MAP3K8: variants seen among roughly 807,000 people sequenced by gnomAD.
The protein encoded by MAP3K8 is mitogen-activated protein kinase kinase kinase 8, also known as Ewing sarcoma transformant.
MAP3K8 carries 22 observed loss-of-function variants against 45.8 expected under a neutral mutation model. That is an observed-to-expected ratio of 0.48 (90% CI 0.34 to 0.69). The LOEUF is 0.69. Ranked by LOEUF, MAP3K8 falls within the 30% of genes least tolerant of loss-of-function variation. The probability of loss-of-function intolerance (pLI) is 0.01; values close to 1 mark genes in which losing one functional copy is unlikely to be tolerated. For missense variants in MAP3K8, 419 were observed against 585.0 expected (o/e 0.72, Z 2.93); for synonymous variants, 223 against 214.3 (o/e 1.04, Z -0.36).
intron 4 of MAP3K8, 111 bp from the exon 5 acceptor site, chr10:30,450,147 G>A: frequency 1.0e-6 from 1 of 978,284 alleles, no homozygotes; most frequent in Non-Finnish European, 1.5e-6. Flanking sequence ...ACAGGGCAGA[G>A]TATTCTTGAG....
chr10:30,436,872 C>A (rs574757017), intron 1 of MAP3K8, among the ~76,000 whole-genome samples: 1 of 151,482 alleles, frequency 6.6e-6, no homozygotes, highest in African/African-American at 2.4e-5. Context: ...TCCTTTCAAC[C>A]CCTGAGGCCC....
chr10:30,436,410 G>A (rs1180888944), intron 1 of MAP3K8, among the ~76,000 whole-genome samples: 2 of 152,038 alleles, frequency 1.3e-5, no homozygotes, highest in Non-Finnish European at 2.9e-5. Context: ...AGGAATTACT[G>A]CAGGCACTGA....
chr10:30,449,309 A>G (rs1836454609), intron 4 of MAP3K8, among the ~76,000 whole-genome samples: 2 of 152,086 alleles, frequency 1.3e-5, no homozygotes, highest in South Asian at 4.1e-4. Context: ...TAGTGGCGCA[A>G]TCTTGGCTCA....
At chr10:30,447,518 G>T (rs1261263464) in intron 3 of MAP3K8, among the ~76,000 whole-genome samples, 1 of 152,242 alleles carries the variant, frequency 6.6e-6, no homozygotes. Flanking sequence ...AATTTTTAAA[G>T]TTCTATTTGG....
rs77186746 is a variant in MAP3K8 at position 30,439,097 on chromosome 10, T to C, written c.159T>C (p.Ser53=). The C allele has an allele frequency of 3.5e-3, 5,602 of 1,614,200 alleles. 179 individuals are homozygous for C. The African/African-American group carries it at 0.063, about 18-fold the overall frequency. Residue 53 remains serine (S), a synonymous_variant, in exon 3 of 9, where the codon AGT becomes AGC. Transcript: ENST00000263056. Reference sequence around the variant, plus strand: ...GTCTAATGACCATGTGTCAAGACAGTAATCAAAACGATGAGCGTTCTAAGT... The same window carrying C: ...GTCTAATGACCATGTGTCAAGACAGCAATCAAAACGATGAGCGTTCTAAGT... ...EPSLMTMCQD[S]NQNDERSKSL...
At chr10:30,443,653 G>A (rs796455928) in intron 3 of MAP3K8, among the ~76,000 whole-genome samples, 16 of 152,330 alleles carry the variant, frequency 1.1e-4, no homozygotes, top group African/African-American at 3.8e-4. Flanking sequence ...ATGCCTGCAT[G>A]AATATAGATC....
intron 5 of MAP3K8, among the ~76,000 whole-genome samples, chr10:30,450,803 TG>T (rs1320370876): frequency 6.6e-6 from 1 of 151,884 alleles, no homozygotes; most frequent in Non-Finnish European, 1.5e-5. Context: ...CAATTTAGGC[TG>T]GGCACGGTGG....
At chr10:30,437,863 A>G (rs746384127) in intron 2 of MAP3K8, among the ~76,000 whole-genome samples, 33 of 152,210 alleles carry the variant, frequency 2.2e-4, no homozygotes, top group Non-Finnish European at 1.2e-4. Flanking sequence ...TGGGAGTGCA[A>G]TCGGTGATTT....
At position 30,461,025 on chromosome 10, in the gene MAP3K8, AG is replaced by A; in HGVS notation, c.*191del. ...CATGTGAAGCTATTTGATATGCACC[AG>A]GTCTCAAGGTTCTCATTTCTCAGGT... On this transcript the variant is annotated 3_prime_UTR_variant, in exon 9 of 9. Transcript: ENST00000263056. 3.8e-6 allele frequency: 2 copies of A among 531,394 alleles called. No individual in the cohort carries two copies. Among genetic ancestry groups the A allele is most frequent in the Non-Finnish European group, 3.2e-6 (1 of 314,610 alleles). 32.9% of individuals were successfully genotyped at this position (531,394 alleles called of 1,614,324 possible). A position where few individuals can be genotyped will look rare whatever the true frequency, so the allele number is the denominator to read the frequency against.
intron 3 of MAP3K8, among the ~76,000 whole-genome samples, chr10:30,445,719 C>T (rs978848818): frequency 1.1e-4 from 16 of 152,224 alleles, no homozygotes; most frequent in Middle Eastern, 3.2e-3. Context: ...GCCATCTGCA[C>T]TTATTCATGT....
chr10:30,451,598 A>G (rs748215392), intron 5 of MAP3K8, 40 bp from the exon 6 acceptor site: 86 of 1,156,370 alleles, frequency 7.4e-5, no homozygotes, highest in South Asian at 6.1e-4. Context: ...TTATGGGTAT[A>G]TAAAAAATTT....
Position 30,437,279 on chromosome 10 carries a change from CT to C in MAP3K8, c.-150del. 1.0e-6 allele frequency: 1 copy of C among 985,406 alleles called. No individual in the cohort carries two copies. The highest frequency in any genetic ancestry group is 1.2e-6 in the Non-Finnish European group (1 of 829,924). 61.0% of individuals were successfully genotyped at this position (985,406 alleles called of 1,614,324 possible). ...AGTATCTGCAAAGCCAGGAGTCTGACTCAGTACTTTTCTCACTCATGCATAC... is the reference window on the plus strand; with the variant it reads ...AGTATCTGCAAAGCCAGGAGTCTGACCAGTACTTTTCTCACTCATGCATAC... On this transcript the variant is annotated 5_prime_UTR_variant, in exon 2 of 9. Coordinates refer to ENST00000263056, the MANE Select transcript of MAP3K8 (RefSeq NM_005204.4).
At chr10:30,441,371 G>T (rs1836101816) in intron 3 of MAP3K8, among the ~76,000 whole-genome samples, 1 of 152,068 alleles carries the variant, frequency 6.6e-6, no homozygotes, top group African/African-American at 2.4e-5. Context: ...TGGCCAGGCT[G>T]GTTTCGAACT....
chr10:30,452,262 G>A (rs1410484934), intron 6 of MAP3K8, among the ~76,000 whole-genome samples: 1 of 152,050 alleles, frequency 6.6e-6, no homozygotes, highest in East Asian at 1.9e-4. Flanking sequence ...CTGAGGTCGG[G>A]AGTTTGAGAC....
intron 6 of MAP3K8, among the ~76,000 whole-genome samples, chr10:30,455,338 C>T (rs549504425): frequency 6.6e-6 from 1 of 152,318 alleles, no homozygotes; most frequent in African/African-American, 2.4e-5. Context: ...ACTGTGCAGA[C>T]TGGCTGATGT....
chr10:30,458,015 T>G (rs1836796691), intron 6 of MAP3K8, 69 bp from the exon 7 acceptor site: 1 of 1,321,770 alleles, frequency 7.6e-7, no homozygotes, highest in Non-Finnish European at 1.0e-6. Flanking sequence ...TTTCCAGAAC[T>G]GGATTAGGGA....
At chr10:30,451,453 C>A (rs1269607437) in intron 5 of MAP3K8, among the ~76,000 whole-genome samples, 185 bp from the exon 6 acceptor site, 1 of 152,116 alleles carries the variant, frequency 6.6e-6, no homozygotes, top group Non-Finnish European at 1.5e-5. Context: ...CTTGATGGAT[C>A]CAAAGTGATT....
At position 30,434,396 on chromosome 10, in the gene MAP3K8, G is replaced by A. The variant is rs375036647; in HGVS notation, c.-255+18G>A. ...GGCCGCAGGTAATCCAGGGTTGGGG[G>A]TCTCCGGCGTGTCTTTCGGGTCGCG... On this transcript the variant is annotated intron_variant, in intron 1 of 8. Coordinates refer to ENST00000263056, the MANE Select transcript of MAP3K8 (RefSeq NM_005204.4). 138 of 944,482 alleles carry A rather than the reference G, an allele frequency of 1.5e-4. 2 individuals carry two copies. The South Asian group carries it at 6.3e-3, about 43-fold the overall frequency. The allele number at this position is 944,482 out of a possible 1,614,324, so 58.5% of individuals were successfully genotyped here.
chr10:30,439,694 A>C (rs980880644), intron 3 of MAP3K8, among the ~76,000 whole-genome samples: 7 of 152,186 alleles, frequency 4.6e-5, no homozygotes, highest in Middle Eastern at 3.2e-3. Context: ...CTGTAATTCC[A>C]GCTACCTGGG....
Sources: allele counts gnomAD v4.1 joint callset (sites outside exome capture counted in the v4.1 genomes callset), GRCh38; gene constraint gnomAD v4.1.1; transcripts MANE v1.5; gene names NCBI Gene and HGNC (gene_info 2026-07-23, HGNC 2026-07-21).